Variants in GNPTAB observed in about 807,000 individuals in gnomAD.
The protein encoded by GNPTAB is N-acetylglucosamine-1-phosphotransferase subunits alpha/beta.
Under a neutral mutation model 136.6 loss-of-function variants are expected in GNPTAB, and 92 were observed. The observed-to-expected ratio is 0.67, with a 90% CI of 0.57 to 0.80. GNPTAB has a LOEUF of 0.80. Ranked by LOEUF, GNPTAB falls within the 30% of genes least tolerant of loss-of-function variation. The pLI is 0.00. For synonymous variants in GNPTAB, 512 were observed against 535.1 expected (o/e 0.96, Z 0.60); for missense variants, 1,343 against 1,501.8 (o/e 0.89, Z 1.75).
chr12:101,803,274 A>C (rs1869746456), intron 1 of GNPTAB, among the ~76,000 whole-genome samples: 1 of 152,246 alleles, frequency 6.6e-6, no homozygotes, highest in Non-Finnish European at 1.5e-5. Flanking sequence ...TTTTGCATGG[A>C]GGCACTAAAA....
At chr12:101,801,864 A>T (rs1181450645) in intron 1 of GNPTAB, among the ~76,000 whole-genome samples, 1 of 151,906 alleles carries the variant, frequency 6.6e-6, no homozygotes, top group Admixed American at 6.6e-5. Context: ...GCAACATAGT[A>T]AGACCTTGTC....
intron 1 of GNPTAB, among the ~76,000 whole-genome samples, chr12:101,806,246 A>C (rs900788557): frequency 6.6e-6 from 1 of 152,202 alleles, no homozygotes; most frequent in Non-Finnish European, 1.5e-5. Context: ...AGGCTGCTAC[A>C]ATTTTTCTTT....
chr12:101,760,104 T>C lies in GNPTAB; in HGVS notation c.3175A>G (p.Lys1059Glu), dbSNP rs1316290374. The change falls in exon 16 of 21, where the codon AAA becomes GAA. Residue 1059 changes from lysine (K) to glutamate (E), a missense_variant. By Grantham distance (56) the Lys-to-Glu change is moderately conservative. Transcript: ENST00000299314. ...GLEHMLINCS[K>E]MLPADITQLN... is the part of the protein sequence containing the mutation. ...TGCGTGATATCAGCAGGAAGCATTT[T>C]TGAGCAATTTATTAGCATGTGTTCC... 7 of 1,613,294 alleles carry C rather than the reference T, an allele frequency of 4.3e-6. No homozygotes were observed. The highest frequency in any genetic ancestry group is 5.9e-6 in the Non-Finnish European group (7 of 1,179,370).
At chr12:101,757,070 C>T (rs986463299) in intron 18 of GNPTAB, 142 bp downstream of exon 18, 24 of 606,522 alleles carry the variant, frequency 4.0e-5, no homozygotes, top group Non-Finnish European at 6.7e-5. Context: ...ACTCCTATCT[C>T]TCACTCAACC....
Position 101,749,083 on chromosome 12 carries a change from A to C in GNPTAB, c.3693+18T>G. 1 of 1,365,888 alleles carries C rather than the reference A, an allele frequency of 7.3e-7. No individual in the cohort carries two copies. The highest frequency in any genetic ancestry group is 1.0e-6 in the Non-Finnish European group (1 of 954,736). The allele number at this position is 1,365,888 out of a possible 1,614,324, so 84.6% of individuals were successfully genotyped here. On this transcript the variant is annotated intron_variant, in intron 20 of 20. Transcript: ENST00000299314. Reference sequence around the variant, plus strand: ...AAGAAATACCATTTAATACCCACATAAAATATATAAAACTTACCTGCTCAG... The same window carrying C: ...AAGAAATACCATTTAATACCCACATCAAATATATAAAACTTACCTGCTCAG...
intron 1 of GNPTAB, among the ~76,000 whole-genome samples, chr12:101,819,388 G>A (rs1289263506): frequency 6.6e-6 from 1 of 152,066 alleles, no homozygotes; most frequent in African/African-American, 2.4e-5. Context: ...TAATACACTG[G>A]CCCAAAGTGA....
At position 101,789,800 on chromosome 12, in the gene GNPTAB, A is replaced by T. The variant is rs1868874437; in HGVS notation, c.323+138T>A. The T allele has an allele frequency of 4.2e-6, 4 of 941,700 alleles. No homozygotes were observed. In the East Asian group the frequency reaches 1.0e-4, roughly 23 times the overall value. 58.3% of individuals were successfully genotyped at this position (941,700 alleles called of 1,614,324 possible). A position where few individuals can be genotyped will look rare whatever the true frequency, so the allele number is the denominator to read the frequency against. On this transcript the variant is annotated intron_variant, in intron 3 of 20. Transcript: ENST00000299314. ...TGCCTGGCCTGTTTTGTTTTTTAAA[A>T]ATCAGTTTTACCAGATCCTTTTGTA...
intron 1 of GNPTAB, among the ~76,000 whole-genome samples, chr12:101,826,732 C>T (rs1278741400): frequency 6.6e-6 from 1 of 151,982 alleles, no homozygotes; most frequent in Non-Finnish European, 1.5e-5. Context: ...AACTCAAAAA[C>T]ACGTTTTAAA....
chr12:101,821,968 A>G (rs1870822780), intron 1 of GNPTAB, among the ~76,000 whole-genome samples: 1 of 152,212 alleles, frequency 6.6e-6, no homozygotes, highest in African/African-American at 2.4e-5. Flanking sequence ...AGAAGCTCCC[A>G]TTATTATCAG....
rs766795000 is a variant in GNPTAB, at chr12:101,770,209, C to CA, written c.1114-19dup. ...AAAACATCCTTTTAACAACAACAAACAAAAAAAGAGAGTGAATGAGAGCTG... is the reference window on the plus strand; with the variant it reads ...AAAACATCCTTTTAACAACAACAAACAAAAAAAAGAGAGTGAATGAGAGCTG... On this transcript the variant is annotated intron_variant, in intron 9 of 20. Coordinates refer to ENST00000299314, the MANE Select transcript of GNPTAB (RefSeq NM_024312.5). The CA allele has an allele frequency of 1.2e-6, 2 of 1,611,790 alleles. No individual in the cohort carries two copies. Among genetic ancestry groups the CA allele is most frequent in the Non-Finnish European group, 1.7e-6 (2 of 1,179,054 alleles).
intron 18 of GNPTAB, among the ~76,000 whole-genome samples, chr12:101,755,052 T>C (rs1952881875): frequency 6.6e-6 from 1 of 152,210 alleles, no homozygotes; most frequent in African/African-American, 2.4e-5. Flanking sequence ...TAGTTGGTCA[T>C]ATTAAGGAAT....
intron 1 of GNPTAB, among the ~76,000 whole-genome samples, chr12:101,799,688 G>A (rs1014853708): frequency 6.6e-6 from 1 of 151,826 alleles, no homozygotes; most frequent in African/African-American, 2.4e-5. Flanking sequence ...CTGGTTCCTT[G>A]GATGCATTGT....
chr12:101,830,411 G>A (rs1871305262), intron 1 of GNPTAB, 148 bp downstream of exon 1: 1 of 630,322 alleles, frequency 1.6e-6, no homozygotes, highest in Non-Finnish European at 2.9e-6. Context: ...GATCGCCTGA[G>A]CTCAGGAGTT....
intron 5 of GNPTAB, among the ~76,000 whole-genome samples, chr12:101,783,244 G>C (rs1868446194): frequency 6.6e-6 from 1 of 151,906 alleles, no homozygotes; most frequent in South Asian, 2.1e-4. Flanking sequence ...TCATTAAACA[G>C]ACAGTCCTGC....
intron 4 of GNPTAB, 38 bp from the exon 5 acceptor site, chr12:101,786,255 T>C: frequency 6.6e-7 from 1 of 1,517,592 alleles, no homozygotes; most frequent in Non-Finnish European, 9.1e-7. Flanking sequence ...ATTACATTCT[T>C]GAAATTTAAT....
chr12:101,816,986 C>G (rs755707113), intron 1 of GNPTAB, among the ~76,000 whole-genome samples: 15 of 152,084 alleles, frequency 9.9e-5, no homozygotes, highest in Non-Finnish European at 1.9e-4. Flanking sequence ...TATGTGGGAG[C>G]TAAAAAACTG....
At chr12:101,797,469 C>CA (rs1407259331) in intron 1 of GNPTAB, among the ~76,000 whole-genome samples, 1 of 151,994 alleles carries the variant, frequency 6.6e-6, no homozygotes, top group East Asian at 1.9e-4. Flanking sequence ...TACTAAAATA[C>CA]AAAAAATTAG....
At chr12:101,753,253 C>CAAA in intron 19 of GNPTAB, 119 bp downstream of exon 19, 3 of 709,274 alleles carry the variant, frequency 4.2e-6, no homozygotes, top group Non-Finnish European at 2.1e-6. Flanking sequence ...AACTCCGTCT[C>CAAA]AAAAAAAAAA....
In GNPTAB at chr12:101,786,026, T is replaced by C; in HGVS notation, c.557A>G (p.Asp186Gly). Residue 186 changes from aspartate (D) to glycine (G), a missense_variant, in exon 5 of 21, where the codon GAC becomes GGC. Physicochemically the swap from Asp to Gly is moderately conservative, Grantham distance 94. Transcript: ENST00000299314. The part of the protein sequence containing the change: ...PSTNVSVVVF[D>G]STKDVEDAHS... ...AAAGATCTTACCATCCTTAGTACTG[T>C]CAAAAACAACAACTGAGACATTGGT... 6.2e-7 allele frequency: 1 copy of C among 1,612,264 alleles called. No homozygotes were observed. Among genetic ancestry groups the C allele is most frequent in the Non-Finnish European group, 8.5e-7 (1 of 1,178,296 alleles).
Sources: allele counts gnomAD v4.1 joint callset (sites outside exome capture counted in the v4.1 genomes callset), GRCh38; gene constraint gnomAD v4.1.1; transcripts MANE v1.5; gene names NCBI Gene and HGNC (gene_info 2026-07-23, HGNC 2026-07-21).